TTC39A: variants seen among roughly 807,000 people sequenced by gnomAD.
The protein encoded by TTC39A is tetratricopeptide repeat domain 39A, also known as tetratricopeptide repeat protein 39A.
A neutral mutation model predicts 82.3 loss-of-function variants in TTC39A; 46 were observed. The ratio of observed to expected loss-of-function variants is 0.56; its 90% CI spans 0.44 to 0.71. TTC39A has a LOEUF of 0.71. Ranked by LOEUF, TTC39A falls within the 30% of genes least tolerant of loss-of-function variation. The pLI, the probability that TTC39A is intolerant of heterozygous loss-of-function variation, is 0.00. For missense variants in TTC39A, 543 were observed against 712.9 expected (o/e 0.76, Z 2.71); for synonymous variants, 254 against 275.2 (o/e 0.92, Z 0.76).
chr1:51,308,565 G>A (rs1258635683), intron 6 of TTC39A, among the ~76,000 whole-genome samples: 1 of 152,168 alleles, frequency 6.6e-6, no homozygotes, highest in African/African-American at 2.4e-5. Flanking sequence ...ATGGAAATAA[G>A]TTTTAATGCA....
Position 51,296,105 on chromosome 1 carries a change from G to A in TTC39A, c.1119C>T (p.Phe373=), listed in dbSNP as rs1266723310. 12 of 1,597,406 alleles carry A rather than the reference G, an allele frequency of 7.5e-6. No individual in the cohort carries two copies. The highest frequency in any genetic ancestry group is 1.1e-5 in the South Asian group (1 of 87,966). The part of the protein sequence containing the change: ...SMFGKEDHKP[F]GDDEVELFRA... ...GAAATAATTCCACTTCGTCGTCCCC[G>A]AACGGCTTGTGGTCCTCCTTCCCAA... Residue 373 remains phenylalanine (F), a synonymous_variant, in exon 13 of 18, where the codon TTC becomes TTT. Transcript: ENST00000680483.
In TTC39A at chr1:51,296,064, C is replaced by T. The variant is rs568089786; in HGVS notation, c.1145+15G>A. On this transcript the variant is annotated intron_variant, in intron 13 of 17. Transcript: ENST00000680483. Reference sequence around the variant, plus strand: ...GGGAGTGGCCTACACAGTGGGAGCACGATGTGGGACCCACCGAAATAATTC... The same window carrying T: ...GGGAGTGGCCTACACAGTGGGAGCATGATGTGGGACCCACCGAAATAATTC... The T allele has an allele frequency of 2.6e-6, 4 of 1,564,706 alleles. No individual in the cohort carries two copies. The highest frequency in any genetic ancestry group is 2.7e-5 in the African/African-American group (2 of 73,624).
At chr1:51,331,820 G>A (rs554126306), upstream of TTC39A, 5 of 985,394 alleles carry the variant, frequency 5.1e-6, no homozygotes, top group East Asian at 1.1e-4. Flanking sequence ...TCCAGACAAG[G>A]GGAGAGACTG....
chr1:51,341,813 G>C (rs922253988), intron 1 of TTC39A, among the ~76,000 whole-genome samples: 1 of 152,160 alleles, frequency 6.6e-6, no homozygotes, highest in African/African-American at 2.4e-5. Context: ...ACTCAGCACT[G>C]GCCTCAAGTC....
At chr1:51,292,697 C>T (rs1303537737) in intron 14 of TTC39A, among the ~76,000 whole-genome samples, 1 of 152,150 alleles carries the variant, frequency 6.6e-6, no homozygotes, top group Admixed American at 6.5e-5. Flanking sequence ...TCCCAAAGTT[C>T]TGGGATTACA....
At chr1:51,296,983 C>G (rs2148142299) in intron 12 of TTC39A, 1 of 152,584 alleles carries the variant, frequency 6.6e-6, no homozygotes, top group Middle Eastern at 3.4e-3. Flanking sequence ...TCTGTGCTGC[C>G]CTCAAGTGGC....
intron 13 of TTC39A, chr1:51,295,737 T>G: frequency 2.9e-6 from 1 of 344,918 alleles, no homozygotes; most frequent in Non-Finnish European, 5.5e-6. Context: ...GTGTCTCAGG[T>G]TAACTCAGCA....
intron 11 of TTC39A, 119 bp downstream of exon 11, chr1:51,302,238 T>TGGGGGGGGGGGGGGGGGGG: frequency 4.1e-6 from 3 of 723,530 alleles, no homozygotes; most frequent in Non-Finnish European, 7.5e-6. Flanking sequence ...GGTTCTCTCT[T>TGGGGGGGGGGGGGGGGGGG]GGCCCCCCCC....
At chr1:51,309,484 C>G in intron 5 of TTC39A, 159 bp from the exon 6 acceptor site, 1 of 1,452,928 alleles carries the variant, frequency 6.9e-7, no homozygotes, top group Non-Finnish European at 9.1e-7. Flanking sequence ...CTCTTTGGCC[C>G]AACAAAACCT....
rs771458724 is a variant in TTC39A at position 51,288,915 on chromosome 1, C to T, written c.1534G>A (p.Ala512Thr). 8 of 1,611,612 alleles carry T rather than the reference C, an allele frequency of 5.0e-6. No homozygotes were observed. The highest frequency in any genetic ancestry group is 6.8e-6 in the Non-Finnish European group (8 of 1,178,984). ...IKYDHYLIPN[A>T]LLELALLLME... The stretch of plus-strand genomic sequence containing the variant: ...AGCAGCAGGGCCAGCTCCAGCAGGG[C>T]GTTTGGGATCAAGTAGTGGTCATAT... The change falls in exon 17 of 18, where the codon GCC (alanine) becomes ACC (threonine). Residue 512 changes from alanine to threonine, a missense_variant. Ala to Thr is a moderately conservative substitution (Grantham distance 58). Transcript: ENST00000680483. This position sits in a 1 kb window ranked among gnomAD's most constrained non-coding sequence, Gnocchi z 4.8.
At chr1:51,308,791 A>ATGTG (rs145881383) in intron 6 of TTC39A, among the ~76,000 whole-genome samples, 2 of 151,438 alleles carry the variant, frequency 1.3e-5, no homozygotes, top group Non-Finnish European at 3.0e-5. Context: ...GTGTGTGTGT[A>ATGTG]TGTGTGTGTG....
intron 12 of TTC39A, 37 bp downstream of exon 12, chr1:51,301,535 G>T: frequency 6.4e-7 from 1 of 1,556,842 alleles, no homozygotes; most frequent in Non-Finnish European, 8.7e-7. Flanking sequence ...AGTCAGCCCT[G>T]GTCACCCAAT....
Position 51,312,776 on chromosome 1 carries a change from TCCCAACCTCTGATCCCTGCCCCCAATGCC to T in TTC39A, c.278+7_278+35del. ...GGCCAGGGTGACAGCAGGGTGGGCC[TCCCAACCTCTGATCCCTGCCCCCAATGCC>T]CCCAACCTCTGACACAGCATCTGTG... On this transcript the variant is annotated splice_region_variant and intron_variant, in intron 3 of 17. Transcript: ENST00000680483. The T allele has an allele frequency of 1.2e-6, 2 of 1,602,678 alleles. No homozygotes were observed. The highest frequency in any genetic ancestry group is 1.7e-6 in the Non-Finnish European group (2 of 1,172,620).
At chr1:51,305,219 C>G (rs1644825906) in intron 7 of TTC39A, 73 bp from the exon 8 acceptor site, 21 of 1,474,136 alleles carry the variant, frequency 1.4e-5, no homozygotes, top group Non-Finnish European at 2.0e-5. Context: ...TGTCCCAAGT[C>G]TAGCTCTTTA....
At chr1:51,302,279 GTCACAT>G in intron 11 of TTC39A, 72 bp downstream of exon 11, 1 of 1,199,138 alleles carries the variant, frequency 8.3e-7, no homozygotes, top group Non-Finnish European at 1.2e-6. Flanking sequence ...CCCTGAGTAT[GTCACAT>G]GTGCCTGACT....
chr1:51,336,133 G>A (rs1462554587), upstream of TTC39A, among the ~76,000 whole-genome samples: 1 of 152,184 alleles, frequency 6.6e-6, no homozygotes, highest in Non-Finnish European at 1.5e-5. Context: ...TTTCCTTAAA[G>A]CGAGTGAGCC....
chr1:51,296,169 GC>G lies in TTC39A; in HGVS notation c.1054del (p.Ala352ProfsTer6). 3.2e-6 allele frequency: 5 copies of G among 1,587,096 alleles called. No individual in the cohort carries two copies. Among genetic ancestry groups the G allele is most frequent in the Non-Finnish European group, 4.3e-6 (5 of 1,166,768 alleles). Reference protein sequence around the residue: ...LLSKENCWSKATYIYMKAAYL... With the variant: ...LLSKENCWSKXTYIYMKAAYL... ...GGCGGCCTTCATGTAAATGTAGGTGGCCTGTGCGAGACAGAGCAACAGCCAG... is the reference window on the plus strand; with the variant it reads ...GGCGGCCTTCATGTAAATGTAGGTGGCTGTGCGAGACAGAGCAACAGCCAG... On this transcript the variant is annotated frameshift_variant and splice_region_variant, in exon 13 of 18. Transcript: ENST00000680483. LOFTEE classifies it high-confidence loss of function.
chr1:51,302,240 G>A, intron 11 of TTC39A, 117 bp downstream of exon 11: 2 of 623,716 alleles, frequency 3.2e-6, no homozygotes, highest in East Asian at 3.3e-5. Flanking sequence ...TTCTCTCTTG[G>A]CCCCCCCCCC....
chr1:51,316,070 G>A (rs1452995002), intron 2 of TTC39A, among the ~76,000 whole-genome samples: 1 of 152,154 alleles, frequency 6.6e-6, no homozygotes, highest in Non-Finnish European at 1.5e-5. Flanking sequence ...AGGAAATGGG[G>A]TCCCTGGGTC....
Sources: allele counts gnomAD v4.1 joint callset (sites outside exome capture counted in the v4.1 genomes callset), GRCh38; gene constraint gnomAD v4.1.1; non-coding constraint Gnocchi (gnomAD v3.1); transcripts MANE v1.5; gene names NCBI Gene and HGNC (gene_info 2026-07-23, HGNC 2026-07-21).